The following CPHXL2 variants were observed in gnomAD, a reference collection of about 807,000 sequenced individuals.
The protein encoded by CPHXL2 is cytoplasmic polyadenylated homeobox like 2, also known as cytoplasmic polyadenylated homeobox-like protein 2.
At chr16:75,665,412 G>C in the CPHXL2 span, among the ~76,000 whole-genome samples, 1 of 152,192 alleles carries the variant, frequency 6.6e-6, no homozygotes, top group African/African-American at 2.4e-5. Context: ...AAAAGATATA[G>C]TCTTTCAGAC....
chr16:75,661,957 C>T, the CPHXL2 span, among the ~76,000 whole-genome samples: 1 of 152,198 alleles, frequency 6.6e-6, no homozygotes, highest in African/African-American at 2.4e-5. Context: ...TCCTCCAATT[C>T]AATTCCAGCA....
At chr16:75,668,373 C>T in the CPHXL2 span, among the ~76,000 whole-genome samples, 1 of 151,870 alleles carries the variant, frequency 6.6e-6, no homozygotes. Context: ...AGATTACAGG[C>T]ACGCACCACC....
At chr16:75,668,209 C>CTATA in the CPHXL2 span, among the ~76,000 whole-genome samples, 1 of 131,580 alleles carries the variant, frequency 7.6e-6, no homozygotes, top group Non-Finnish European at 1.5e-5. Flanking sequence ...CTCTCTCTCT[C>CTATA]TCTCTATATA....
At chr16:75,675,581 G>T in the CPHXL2 span, among the ~76,000 whole-genome samples, 1 of 152,154 alleles carries the variant, frequency 6.6e-6, no homozygotes, top group East Asian at 1.9e-4. Context: ...GCATCAAACA[G>T]TGGTGAGCCA....
At chr16:75,676,262 C>A in the CPHXL2 span, among the ~76,000 whole-genome samples, 1 of 152,006 alleles carries the variant, frequency 6.6e-6, no homozygotes. Context: ...CACAATATTT[C>A]TGAACAAAAT....
At chr16:75,671,770 A>C in the CPHXL2 span, among the ~76,000 whole-genome samples, 1 of 152,240 alleles carries the variant, frequency 6.6e-6, no homozygotes, top group Non-Finnish European at 1.5e-5. Flanking sequence ...CCTGAGAAAG[A>C]CTAGAATGTT....
chr16:75,666,825 T>C, the CPHXL2 span, among the ~76,000 whole-genome samples: 1 of 152,084 alleles, frequency 6.6e-6, no homozygotes, highest in South Asian at 2.1e-4. Flanking sequence ...GACCATATGA[T>C]AGGTCACAAA....
the CPHXL2 span, among the ~76,000 whole-genome samples, chr16:75,666,581 C>T: frequency 7.3e-6 from 1 of 137,782 alleles, no homozygotes; most frequent in Non-Finnish European, 1.5e-5. Flanking sequence ...GCACTCCAGC[C>T]TGGGCAACAA....
chr16:75,673,168 C>T, the CPHXL2 span, among the ~76,000 whole-genome samples: 6 of 150,872 alleles, frequency 4.0e-5, no homozygotes, highest in African/African-American at 1.5e-4. Flanking sequence ...GGTGTGGTGG[C>T]GCATGCCTGT....
At chr16:75,661,405 A>G in the CPHXL2 span, among the ~76,000 whole-genome samples, 9 of 152,300 alleles carry the variant, frequency 5.9e-5, no homozygotes, top group South Asian at 4.1e-4. Context: ...AAATAAGACA[A>G]TCTCCCTAGA....
the CPHXL2 span, chr16:75,660,648 C>T: frequency 1.5e-5 from 6 of 398,468 alleles, no homozygotes; most frequent in Non-Finnish European, 2.7e-5. Flanking sequence ...ACAGAATGAG[C>T]AAAGACAATG....
chr16:75,671,550 G>A, the CPHXL2 span, among the ~76,000 whole-genome samples: 2 of 152,126 alleles, frequency 1.3e-5, no homozygotes, highest in African/African-American at 4.8e-5. Flanking sequence ...AAGCCCCAGA[G>A]AGCATGGCTT....
At chr16:75,663,539 C>T in the CPHXL2 span, among the ~76,000 whole-genome samples, 1 of 152,074 alleles carries the variant, frequency 6.6e-6, no homozygotes, top group Non-Finnish European at 1.5e-5. Context: ...CTCATTATAC[C>T]CTCCTTTCTT....
the CPHXL2 span, among the ~76,000 whole-genome samples, chr16:75,672,325 A>C: frequency 1.3e-5 from 2 of 152,048 alleles, no homozygotes; most frequent in African/African-American, 4.8e-5. Context: ...TTACAATTTC[A>C]AAATAATTTC....
the CPHXL2 span, among the ~76,000 whole-genome samples, chr16:75,667,638 C>T: frequency 6.6e-6 from 1 of 152,212 alleles, no homozygotes; most frequent in Non-Finnish European, 1.5e-5. Context: ...AAAGCCCTTA[C>T]CACTCTGCTA....
the CPHXL2 span, chr16:75,661,115 G>T: frequency 2.5e-6 from 1 of 400,826 alleles, no homozygotes; most frequent in Non-Finnish European, 4.4e-6. Context: ...TGGCATAGTT[G>T]GAAGCTGCAG....
chr16:75,670,276 T>C, the CPHXL2 span, among the ~76,000 whole-genome samples: 1 of 152,076 alleles, frequency 6.6e-6, no homozygotes, highest in South Asian at 2.1e-4. Flanking sequence ...ATCACTGTAA[T>C]ATACAACAGG....
the CPHXL2 span, among the ~76,000 whole-genome samples, chr16:75,661,582 C>T: frequency 6.6e-6 from 1 of 152,058 alleles, no homozygotes; most frequent in East Asian, 1.9e-4. Flanking sequence ...CTCACTGAGA[C>T]CCACTCTGTG....
chr16:75,669,609 A>G, the CPHXL2 span: 19 of 398,176 alleles, frequency 4.8e-5, no homozygotes, highest in Non-Finnish European at 8.0e-5. Flanking sequence ...GGTAATAACC[A>G]GACCAAAGAA....
Sources: gnomAD v4.1 joint callset for allele counts (sites outside exome capture counted in the v4.1 genomes callset) on GRCh38, gnomAD v4.1.1 for gene constraint, MANE v1.5 for transcripts, NCBI Gene and HGNC (gene_info 2026-07-23, HGNC 2026-07-21) for gene names.